Variants in HROB observed in about 807,000 individuals in gnomAD.
The protein encoded by HROB is homologous recombination factor with OB-fold.
HROB carries 44 observed loss-of-function variants against 61.0 expected under a neutral mutation model. The observed-to-expected ratio is 0.72, with a 90% CI of 0.57 to 0.93. The LOEUF (loss-of-function observed/expected upper bound fraction) is 0.93, where lower values mean the gene tolerates loss of function less well. Among genes scored for constraint, HROB ranks in the 40% least tolerant of loss-of-function variants. HROB has a pLI of 0.00. For synonymous variants in HROB, 301 were observed against 310.4 expected (o/e 0.97, Z 0.32); for missense variants, 716 against 796.2 (o/e 0.90, Z 1.21).
Position 44,154,619 on chromosome 17 carries a change from A to G in HROB, c.1513A>G (p.Thr505Ala). 1.2e-6 allele frequency: 2 copies of G among 1,614,052 alleles called. No homozygotes were observed. Among genetic ancestry groups the G allele is most frequent in the Non-Finnish European group, 1.7e-6 (2 of 1,180,010 alleles). The change falls in exon 6 of 10, where the codon ACT becomes GCT. Residue 505 changes from threonine (T) to alanine (A), a missense_variant. Coordinates refer to ENST00000585683, the MANE Select transcript of HROB (RefSeq NM_001171251.3). Reference protein sequence around the residue: ...PNMAVMIKSLTRSTMDASVVF... With the variant: ...PNMAVMIKSLARSTMDASVVF... ...CATGGCGGTGATGATCAAGTCCCTG[A>G]CTCGGAGCACAATGGACGCCAGTGT...
rs1182629528 is a variant in HROB at position 44,157,893 on chromosome 17, C to T, written c.1831C>T (p.Gln611Ter). 1 of 1,613,778 alleles carries T rather than the reference C, an allele frequency of 6.2e-7. No homozygotes were observed. The highest frequency in any genetic ancestry group is 8.5e-7 in the Non-Finnish European group (1 of 1,179,840). Residue 611 changes from glutamine to a stop codon, truncating the protein, a stop_gained, in exon 9 of 10, where the codon CAG (glutamine) becomes TAG (stop). Transcript: ENST00000585683. LOFTEE classifies it high-confidence loss of function. ...GCCCGAGGAAGGCTTCAGAACAGCA[C>T]AGAACCTAGAGGCAGAGGCGTCCCC... Reference protein sequence around the residue: ...AKPEEGFRTAQNLEAEASPEE... With the variant: ...AKPEEGFRTA
chr17:44,153,467 C>A (rs1011434955), intron 5 of HROB, among the ~76,000 whole-genome samples: 2 of 151,842 alleles, frequency 1.3e-5, no homozygotes, highest in Admixed American at 6.6e-5. Context: ...TTAAAAAAAA[C>A]CCAAGGCCGG....
chr17:44,156,882 C>T (rs562125758), intron 8 of HROB, among the ~76,000 whole-genome samples: 42 of 152,146 alleles, frequency 2.8e-4, no homozygotes, highest in African/African-American at 8.9e-4. Context: ...AGGCTGGTCT[C>T]GAACTCCTGA....
intron 4 of HROB, 143 bp downstream of exon 4, chr17:44,151,187 G>A: frequency 3.5e-6 from 3 of 862,866 alleles, no homozygotes; most frequent in Non-Finnish European, 5.5e-6. Context: ...GAGGCAGGTA[G>A]TTGGGGGAGG....
chr17:44,155,786 A>G (rs1171692243), intron 8 of HROB, among the ~76,000 whole-genome samples: 2 of 152,124 alleles, frequency 1.3e-5, no homozygotes. Flanking sequence ...TGAGCTACAA[A>G]TGGCCTGTCA....
chr17:44,157,452 C>G (rs1300975867), intron 8 of HROB, among the ~76,000 whole-genome samples: 1 of 136,038 alleles, frequency 7.4e-6, no homozygotes, highest in Non-Finnish European at 1.5e-5. Flanking sequence ...CTCACTCTGT[C>G]CCCCAGGCTG....
At chr17:44,143,881 C>A (rs889057608) in intron 1 of HROB, among the ~76,000 whole-genome samples, 1 of 139,734 alleles carries the variant, frequency 7.2e-6, no homozygotes, top group Non-Finnish European at 1.6e-5. Flanking sequence ...TGCCCTTGCT[C>A]CCCTAGGCAG....
intron 8 of HROB, among the ~76,000 whole-genome samples, chr17:44,157,410 T>TC (rs531751256): frequency 0.26 from 32,202 of 124,102 alleles, 3,794 homozygotes; most frequent in East Asian, 0.58. Context: ...TGTTTCTTTT[T>TC]TTTTTTTTTT....
intron 5 of HROB, among the ~76,000 whole-genome samples, chr17:44,153,847 C>A (rs570632002): frequency 1.3e-5 from 2 of 150,818 alleles, no homozygotes; most frequent in Non-Finnish European, 3.0e-5. Context: ...GTCAGGAGTT[C>A]GAGACCAGCC....
chr17:44,154,741 C>A (rs2053920470), intron 6 of HROB, 77 bp downstream of exon 6: 5 of 1,593,796 alleles, frequency 3.1e-6, no homozygotes, highest in African/African-American at 1.3e-5. Flanking sequence ...CACCCTCTCC[C>A]TTTGCAGACA....
At chr17:44,143,947 G>C (rs1181795676) in intron 1 of HROB, among the ~76,000 whole-genome samples, 1 of 151,984 alleles carries the variant, frequency 6.6e-6, no homozygotes, top group Non-Finnish European at 1.5e-5. Context: ...GTTCTGAGTG[G>C]ATTATGTTAC....
chr17:44,153,920 C>T (rs62078932), intron 5 of HROB, among the ~76,000 whole-genome samples: 3,383 of 151,646 alleles, frequency 0.022, 54 homozygotes, highest in Non-Finnish European at 0.034. Context: ...TGGTGGCACA[C>T]GCCTGTAAGT....
Position 44,148,023 on chromosome 17 carries a change from C to T in HROB, c.220C>T (p.Leu74=). 2 of 1,614,024 alleles carry T rather than the reference C, an allele frequency of 1.2e-6. No homozygotes were observed. The highest frequency in any genetic ancestry group is 1.7e-6 in the Non-Finnish European group (2 of 1,180,036). The part of the protein sequence containing the change: ...HPTAPSEALG[L]PDLDLCLPAS... The stretch of plus-strand genomic sequence containing the variant: ...CACTGCTCCCTCAGAGGCTTTGGGC[C>T]TGCCAGACTTGGACCTCTGCCTCCC... Residue 74 remains leucine (L), a synonymous_variant, in exon 3 of 10, where the codon CTG becomes TTG. Transcript: ENST00000585683.
chr17:44,158,648 AT>A (rs34904275), intron 9 of HROB, among the ~76,000 whole-genome samples: 65,309 of 142,954 alleles, frequency 0.46, 17,266 homozygotes, highest in East Asian at 0.77. Flanking sequence ...ATGCCCAGCA[AT>A]TTTTTTTTTT....
rs1169734402 is a variant in HROB, at chr17:44,142,156, G to T, written c.3+11G>T. On this transcript the variant is annotated intron_variant, in intron 1 of 9. Transcript: ENST00000585683. ...CCCGCCGTCGCTATGGTAATGCCGCGCCCAGCTTGGGGGCTGGCGGGCCGC... is the reference window on the plus strand; with the variant it reads ...CCCGCCGTCGCTATGGTAATGCCGCTCCCAGCTTGGGGGCTGGCGGGCCGC... 21 of 1,522,048 alleles carry T rather than the reference G, an allele frequency of 1.4e-5. No individual in the cohort carries two copies. The highest frequency in any genetic ancestry group is 1.8e-5 in the Non-Finnish European group (20 of 1,139,998). The allele number at this position is 1,522,048 out of a possible 1,614,324, so 94.3% of individuals were successfully genotyped here.
At chr17:44,147,777 C>T (rs2053655267) in intron 2 of HROB, 81 bp from the exon 3 acceptor site, 20 of 1,338,058 alleles carry the variant, frequency 1.5e-5, no homozygotes, top group Middle Eastern at 2.0e-4. Context: ...CACAAACATA[C>T]ACGCCATGTG....
intron 1 of HROB, among the ~76,000 whole-genome samples, chr17:44,142,698 G>C (rs2053490749): frequency 6.6e-6 from 1 of 152,028 alleles, no homozygotes; most frequent in African/African-American, 2.4e-5. Context: ...CAGCAGCCCT[G>C]CTGGCTAGAA....
chr17:44,150,843 T>C, intron 3 of HROB, 118 bp from the exon 4 acceptor site: 1 of 790,254 alleles, frequency 1.3e-6, no homozygotes, highest in Non-Finnish European at 2.1e-6. Flanking sequence ...AGAGATGTAA[T>C]ATGTGTTAAT....
chr17:44,149,990 G>T (rs1045042422), intron 3 of HROB, among the ~76,000 whole-genome samples: 1 of 152,194 alleles, frequency 6.6e-6, no homozygotes, highest in African/African-American at 2.4e-5. Flanking sequence ...GGATGTTCTG[G>T]CAGTGGGAAA....
Sources: allele counts gnomAD v4.1 joint callset (sites outside exome capture counted in the v4.1 genomes callset), GRCh38; gene constraint gnomAD v4.1.1; transcripts MANE v1.5; gene names NCBI Gene and HGNC (gene_info 2026-07-23, HGNC 2026-07-21).